Variants in MCTP1 observed in about 807,000 individuals in gnomAD.
MCTP1 encodes multiple C2 and transmembrane domain containing 1.
In MCTP1, 69 loss-of-function variants were observed where a neutral mutation model predicts 120.6. The ratio of observed to expected loss-of-function variants is 0.57; its 90% CI spans 0.47 to 0.70. The LOEUF (loss-of-function observed/expected upper bound fraction) is 0.70. Among genes scored for constraint, MCTP1 ranks in the 30% least tolerant of loss-of-function variants. The pLI is 0.00. For missense variants in MCTP1, 1,203 were observed against 1,248.8 expected, an observed-to-expected ratio of 0.96 and a Z score of 0.55; for synonymous variants, 529 against 493.1, an observed-to-expected ratio of 1.07 and a Z score of -0.96.
chr5:95,048,585 C>T (rs183040937), intron 1 of MCTP1, among the ~76,000 whole-genome samples: 5 of 152,218 alleles, frequency 3.3e-5, no homozygotes, highest in African/African-American at 4.8e-5. Context: ...ACTTATTAAG[C>T]AACTAAAGGA....
At chr5:95,150,870 C>A (rs953570856) in intron 1 of MCTP1, among the ~76,000 whole-genome samples, 1 of 152,090 alleles carries the variant, frequency 6.6e-6, no homozygotes, top group Non-Finnish European at 1.5e-5. Flanking sequence ...TTACTAGTAA[C>A]CTACTGTTGA....
intron 16 of MCTP1, among the ~76,000 whole-genome samples, chr5:94,869,335 A>G (rs943971781): frequency 4.6e-5 from 7 of 152,058 alleles, no homozygotes; most frequent in Non-Finnish European, 8.8e-5. Flanking sequence ...CTGAGGTCAT[A>G]TGGAAAAAAT....
At chr5:95,048,649 T>G (rs1283120446) in intron 1 of MCTP1, among the ~76,000 whole-genome samples, 1 of 152,194 alleles carries the variant, frequency 6.6e-6, no homozygotes, top group African/African-American at 2.4e-5. Context: ...TGCTGGTCTG[T>G]AGACTTGAAG....
chr5:94,796,597 A>ACATATATAATATATAT, intron 18 of MCTP1, among the ~76,000 whole-genome samples: 2 of 85,050 alleles, frequency 2.4e-5, no homozygotes, highest in African/African-American at 7.9e-5. Flanking sequence ...ACACACACAC[A>ACATATATAATATATAT]TATATATAAT....
At chr5:94,720,282 T>C (rs576320476) in intron 19 of MCTP1, among the ~76,000 whole-genome samples, 2 of 151,712 alleles carry the variant, frequency 1.3e-5, no homozygotes, top group South Asian at 4.2e-4. Context: ...CAAAGGAAAA[T>C]AATTTATAGC....
chr5:94,979,912 A>G (rs1829027919), intron 2 of MCTP1, among the ~76,000 whole-genome samples: 1 of 152,150 alleles, frequency 6.6e-6, no homozygotes, highest in African/African-American at 2.4e-5. Flanking sequence ...ACAACAAATC[A>G]TGATTATATT....
chr5:95,090,864 T>C (rs1268746105), intron 1 of MCTP1, among the ~76,000 whole-genome samples: 1 of 152,126 alleles, frequency 6.6e-6, no homozygotes, highest in African/African-American at 2.4e-5. Flanking sequence ...CCTGTATATA[T>C]TAACAAAGTC....
In MCTP1 at chr5:94,825,611, CGTT is replaced by C. The variant is rs1224512805; in HGVS notation, c.2437-26482_2437-26480del. ...GAACATCCCTGTTAATTTTCTGTCT[CGTT>C]GATCTGTCTAATATTGACAGTGGGG... On this transcript the variant is annotated intron_variant, in intron 17 of 22. Transcript: ENST00000515393. Among the ~76,000 whole-genome samples, 16 of 152,072 alleles carry C rather than the reference CGTT, an allele frequency of 1.1e-4. No homozygotes were observed. The East Asian group carries it at 2.5e-3, about 24-fold the overall frequency.
intron 1 of MCTP1, among the ~76,000 whole-genome samples, chr5:95,259,605 C>T (rs553507366): frequency 9.2e-5 from 14 of 152,266 alleles, no homozygotes; most frequent in African/African-American, 3.1e-4. Context: ...AAAACCATTG[C>T]TGTACCCTGG....
At chr5:94,741,724 C>A (rs539914249) in intron 19 of MCTP1, among the ~76,000 whole-genome samples, 1 of 152,174 alleles carries the variant, frequency 6.6e-6, no homozygotes, top group East Asian at 1.9e-4. Context: ...GTCACTAGTA[C>A]CTTTTGGATG....
chr5:94,899,798 C>T (rs537330817), intron 10 of MCTP1, among the ~76,000 whole-genome samples: 7 of 152,150 alleles, frequency 4.6e-5, no homozygotes, highest in Non-Finnish European at 8.8e-5. Flanking sequence ...AAACAGTGAC[C>T]AATCCATGAA....
intron 19 of MCTP1, 61 bp downstream of exon 19, chr5:94,779,049 A>G: frequency 7.0e-7 from 1 of 1,436,160 alleles, no homozygotes; most frequent in Non-Finnish European, 9.8e-7. Context: ...TGTCTGTGAA[A>G]ACAGTGTCAT....
intron 19 of MCTP1, among the ~76,000 whole-genome samples, chr5:94,765,428 G>A (rs1370615480): frequency 2.0e-5 from 3 of 152,136 alleles, no homozygotes; most frequent in Admixed American, 1.3e-4. Flanking sequence ...GACTGAGTCT[G>A]GTTGCTCATG....
intron 18 of MCTP1, among the ~76,000 whole-genome samples, chr5:94,784,547 T>C (rs1434302094): frequency 1.3e-5 from 2 of 152,056 alleles, no homozygotes; most frequent in Non-Finnish European, 2.9e-5. Context: ...TAATTAATTG[T>C]ATACATAATT....
chr5:95,017,555 AT>A, intron 1 of MCTP1, 71 bp from the exon 2 acceptor site: 3 of 733,224 alleles, frequency 4.1e-6, no homozygotes. Flanking sequence ...GGGGGACCAT[AT>A]ATAGCTTAAC....
At chr5:95,193,700 T>C (rs192295739) in intron 1 of MCTP1, among the ~76,000 whole-genome samples, 13 of 152,168 alleles carry the variant, frequency 8.5e-5, no homozygotes, top group African/African-American at 3.1e-4. Flanking sequence ...TTAAGGTACA[T>C]AATAGTAGCA....
chr5:94,973,317 T>C (rs1435506360), intron 2 of MCTP1, among the ~76,000 whole-genome samples: 2 of 152,292 alleles, frequency 1.3e-5, no homozygotes, highest in East Asian at 1.9e-4. Context: ...CCTCAAACTA[T>C]TATTTTTGGG....
chr5:95,219,651 C>A (rs1222453797), intron 1 of MCTP1, among the ~76,000 whole-genome samples: 1 of 152,162 alleles, frequency 6.6e-6, no homozygotes, highest in Non-Finnish European at 1.5e-5. Flanking sequence ...CCCCAGGAGA[C>A]ACAGCAACCT....
At chr5:94,852,417 T>C (rs935299388) in intron 17 of MCTP1, among the ~76,000 whole-genome samples, 1 of 151,942 alleles carries the variant, frequency 6.6e-6, no homozygotes, top group African/African-American at 2.4e-5. Flanking sequence ...CCCTTAATTC[T>C]ACCCATAGCA....
Sources: gnomAD v4.1 joint callset for allele counts (sites outside exome capture counted in the v4.1 genomes callset) on GRCh38, gnomAD v4.1.1 for gene constraint, MANE v1.5 for transcripts, NCBI Gene and HGNC (gene_info 2026-07-23, HGNC 2026-07-21) for gene names.